The following NXPE2 variants were observed in gnomAD, a reference collection of about 807,000 sequenced individuals.
The protein encoded by NXPE2 is NXPE family member 2.
In NXPE2, 34 loss-of-function variants were observed where a neutral mutation model predicts 34.4. The observed-to-expected ratio is 0.99, with a 90% confidence interval of 0.75 to 1.31. The LOEUF (loss-of-function observed/expected upper bound fraction) is 1.31. Ranked by LOEUF, NXPE2 falls within the 40% of genes most tolerant of loss-of-function variation. The probability of loss-of-function intolerance (pLI) is 0.00; values close to 1 mark genes in which losing one functional copy is unlikely to be tolerated. For synonymous variants in NXPE2, 235 were observed against 231.3 expected, an observed-to-expected ratio of 1.02 and a Z score of -0.15; for missense variants, 649 against 672.5, an observed-to-expected ratio of 0.97 and a Z score of 0.39.
chr11:114,554,313 C>A, the NXPE2 span: 2 of 984,764 alleles, frequency 2.0e-6, no homozygotes, highest in Non-Finnish European at 2.4e-6. Context: ...GTGTGCCATA[C>A]CTCCTCCAGG....
At chr11:114,491,058 A>T in the NXPE2 span, among the ~76,000 whole-genome samples, 1 of 149,002 alleles carries the variant, frequency 6.7e-6, no homozygotes, top group Non-Finnish European at 1.5e-5. Flanking sequence ...GCTACTTGGG[A>T]GGCTGAGACA....
At chr11:114,525,557 A>G in the NXPE2 span, among the ~76,000 whole-genome samples, 1 of 151,974 alleles carries the variant, frequency 6.6e-6, no homozygotes, top group Admixed American at 6.6e-5. Context: ...TTTCTCATTC[A>G]GCTTCCCCCT....
chr11:114,702,739 G>A (rs1312232206), intron 3 of NXPE2, among the ~76,000 whole-genome samples: 1 of 152,036 alleles, frequency 6.6e-6, no homozygotes, highest in African/African-American at 2.4e-5. Flanking sequence ...AAAGTCAATG[G>A]GCCATAGTGC....
chr11:114,690,845 A>C (rs1355654650), intron 2 of NXPE2, among the ~76,000 whole-genome samples: 2 of 151,516 alleles, frequency 1.3e-5, no homozygotes, highest in African/African-American at 4.9e-5. Context: ...TGATCTCTAA[A>C]ATTCCTTCTG....
chr11:114,479,721 C>A, the NXPE2 span, among the ~76,000 whole-genome samples: 1 of 152,116 alleles, frequency 6.6e-6, no homozygotes, highest in African/African-American at 2.4e-5. Context: ...TGAGAGTGGA[C>A]AGCTGAGAGA....
chr11:114,783,689 G>A, the NXPE2 span, among the ~76,000 whole-genome samples: 2 of 152,188 alleles, frequency 1.3e-5, no homozygotes, highest in African/African-American at 4.8e-5. Context: ...GAGGAGATGC[G>A]TAATGAATTT....
At chr11:114,572,475 A>T in the NXPE2 span, among the ~76,000 whole-genome samples, 1 of 152,190 alleles carries the variant, frequency 6.6e-6, no homozygotes, top group African/African-American at 2.4e-5. Flanking sequence ...ATGATACAGA[A>T]TATGAAAGGA....
chr11:114,523,922 C>T, the NXPE2 span, among the ~76,000 whole-genome samples: 1 of 152,154 alleles, frequency 6.6e-6, no homozygotes, highest in African/African-American at 2.4e-5. Flanking sequence ...GTAAGAAAGA[C>T]CAAGATAATA....
At chr11:114,540,077 G>A in the NXPE2 span, among the ~76,000 whole-genome samples, 10 of 152,150 alleles carry the variant, frequency 6.6e-5, no homozygotes, top group East Asian at 9.7e-4. Context: ...TGCCTCAGCC[G>A]CCTGAATAGC....
chr11:114,633,397 A>G, the NXPE2 span, among the ~76,000 whole-genome samples: 103 of 144,758 alleles, frequency 7.1e-4, 2 homozygotes, highest in African/African-American at 2.6e-3. Context: ...TATATATTAT[A>G]TATTATATTT....
the NXPE2 span, among the ~76,000 whole-genome samples, chr11:114,726,354 T>G: frequency 6.6e-6 from 1 of 152,042 alleles, no homozygotes; most frequent in Non-Finnish European, 1.5e-5. Flanking sequence ...TCTTCAAATT[T>G]ATCCTGCTTG....
At chr11:114,571,500 T>C in the NXPE2 span, 9 of 1,556,468 alleles carry the variant, frequency 5.8e-6, no homozygotes, top group Non-Finnish European at 7.8e-6. Context: ...AATCCCAAAA[T>C]AAAAGGAGGA....
chr11:114,495,432 C>T, the NXPE2 span, among the ~76,000 whole-genome samples: 1 of 151,658 alleles, frequency 6.6e-6, no homozygotes, highest in Non-Finnish European at 1.5e-5. Flanking sequence ...AAAGTTTTCT[C>T]CACTCTTTCC....
the NXPE2 span, among the ~76,000 whole-genome samples, chr11:114,803,733 C>T: frequency 0.013 from 1,914 of 152,160 alleles, 13 homozygotes; most frequent in Non-Finnish European, 0.021. Flanking sequence ...TGTGCCACCA[C>T]GCCTGACTCA....
chr11:114,663,667 CATCTATCTATT>C, the NXPE2 span, among the ~76,000 whole-genome samples: 476 of 84,470 alleles, frequency 5.6e-3, 4 homozygotes, highest in African/African-American at 0.02. Context: ...ATTTATCTAT[CATCTATCTATT>C]TATCTATCTA....
chr11:114,667,406 A>C, the NXPE2 span, among the ~76,000 whole-genome samples: 1 of 152,140 alleles, frequency 6.6e-6, no homozygotes. Flanking sequence ...ATTCAGTTAG[A>C]GATTATCCAT....
chr11:114,559,069 GAAAT>G, the NXPE2 span, among the ~76,000 whole-genome samples: 4 of 152,056 alleles, frequency 2.6e-5, no homozygotes, highest in African/African-American at 9.7e-5. Context: ...AGTGAAGAAA[GAAAT>G]AAACATAAAT....
intron 3 of NXPE2, 148 bp downstream of exon 3, chr11:114,698,926 GTGTTC>G (rs1299670257): frequency 1.3e-6 from 1 of 776,424 alleles, no homozygotes; most frequent in Admixed American, 3.0e-5. Flanking sequence ...AGCTTGGAGT[GTGTTC>G]ACAGGGATCC....
the NXPE2 span, among the ~76,000 whole-genome samples, chr11:114,590,908 G>T: frequency 1.3e-5 from 2 of 152,250 alleles, no homozygotes; most frequent in East Asian, 1.9e-4. Context: ...TAAATATCAG[G>T]CTCTGCTGTT....
Sources: gnomAD v4.1 joint callset for allele counts (sites outside exome capture counted in the v4.1 genomes callset) on GRCh38, gnomAD v4.1.1 for gene constraint, MANE v1.5 for transcripts, NCBI Gene and HGNC (gene_info 2026-07-23, HGNC 2026-07-21) for gene names.